Variants in ZNF740 observed in about 807,000 individuals in gnomAD.
ZNF740 encodes oriLyt TD-element-binding protein 7.
In ZNF740, 14 loss-of-function variants were observed where a neutral mutation model predicts 24.8. The ratio of observed to expected loss-of-function variants is 0.56; its 90% CI spans 0.37 to 0.88. ZNF740 has a LOEUF of 0.88. ZNF740 is among the 40% of genes least tolerant of loss of function. ZNF740 has a pLI of 0.00. For synonymous variants in ZNF740, 69 were observed against 84.0 expected (o/e 0.82, Z 0.98); for missense variants, 201 against 247.9 (o/e 0.81, Z 1.27).
At chr12:53,181,181 G>T (rs1175314235) in intron 1 of ZNF740, 42 of 985,366 alleles carry the variant, frequency 4.3e-5, no homozygotes, top group East Asian at 1.1e-4. Context: ...ACGCCGCGCC[G>T]GGCTTCGCCT....
rs1942005543 is a variant in ZNF740 at position 53,192,794 on chromosome 12, C to T, written c.*5204C>T. On this transcript the variant is annotated 3_prime_UTR_variant, in exon 7 of 7. Transcript: ENST00000416904. ...CGGTTGCATTTGCAGCGTCCATGCC[C>T]ACTGCAGAGCCCTCCCTCGGGACTG... 1.2e-6 allele frequency: 2 copies of T among 1,614,118 alleles called. No individual in the cohort carries two copies. The highest frequency in any genetic ancestry group is 2.2e-5 in the East Asian group (1 of 44,894).
intron 1 of ZNF740, chr12:53,181,090 G>C: frequency 8.9e-6 from 8 of 902,042 alleles, no homozygotes; most frequent in Non-Finnish European, 1.1e-5. Flanking sequence ...CGCATCTCGC[G>C]CGCTTCTCGG....
chr12:53,181,548 C>G (rs1424810224), intron 1 of ZNF740, 129 bp from the exon 2 acceptor site: 1 of 961,440 alleles, frequency 1.0e-6, no homozygotes, highest in Admixed American at 6.1e-5. Context: ...AGAAAGAAAA[C>G]TCTTCTTGAC....
intron 4 of ZNF740, among the ~76,000 whole-genome samples, chr12:53,185,693 C>T (rs1941809347): frequency 6.6e-6 from 1 of 152,192 alleles, no homozygotes; most frequent in Non-Finnish European, 1.5e-5. Flanking sequence ...CATGAGATCC[C>T]AGATCCCGAG....
rs1942069812 is a variant in ZNF740, at chr12:53,194,085, A to G, written c.*6495A>G. On this transcript the variant is annotated 3_prime_UTR_variant, in exon 7 of 7. Coordinates refer to ENST00000416904, the MANE Select transcript of ZNF740 (RefSeq NM_001004304.4). The stretch of plus-strand genomic sequence containing the variant: ...CTCCAGGAAGGATGGATGGAGGACT[A>G]CCTCAGGCTCTCATGTCACTCCCTG... 4.1e-6 allele frequency: 6 copies of G among 1,472,804 alleles called. No homozygotes were observed. The highest frequency in any genetic ancestry group is 2.3e-5 in the East Asian group (1 of 44,034). The allele number at this position is 1,472,804 out of a possible 1,614,324, so 91.2% of individuals were successfully genotyped here. A position where few individuals can be genotyped will look rare whatever the true frequency, so the allele number is the denominator to read the frequency against.
chr12:53,191,686 C>G lies in ZNF740; in HGVS notation c.*4096C>G. ...AAGCAAAAATCCCAGGATTCCTCGT[C>G]CCCTTTCTAGACCTAAGAGGCCAGC... On this transcript the variant is annotated 3_prime_UTR_variant, in exon 7 of 7. Coordinates refer to ENST00000416904, the MANE Select transcript of ZNF740 (RefSeq NM_001004304.4). 6.4e-7 allele frequency: 1 copy of G among 1,571,284 alleles called. No homozygotes were observed. Among genetic ancestry groups the G allele is most frequent in the Non-Finnish European group, 8.8e-7 (1 of 1,141,156 alleles).
At position 53,191,523 on chromosome 12, in the gene ZNF740, GA is replaced by G. The variant is rs554232281; in HGVS notation, c.*3934del. The G allele has an allele frequency of 1.2e-4, 180 of 1,534,882 alleles. 2 individuals are homozygous for G. In the South Asian group the frequency reaches 1.9e-3, roughly 16 times the overall value. ...CCTCCAGTTCCCACTGTCCTCCAAG[GA>G]GAAGAGCCTTGGGTAAGTGTCCCTC... On this transcript the variant is annotated 3_prime_UTR_variant, in exon 7 of 7. Coordinates refer to ENST00000416904, the MANE Select transcript of ZNF740 (RefSeq NM_001004304.4).
In ZNF740 at chr12:53,184,904, C is replaced by A. The variant is rs1941792954; in HGVS notation, c.23C>A (p.Ala8Asp). ...CTTTCAACTTAGGCAAGTCTCCTGG[C>A]TTGTGAAGGCCTAGCAGGTGTGAGT... MAQASLL[A>D]CEGLAGVSLV... The change falls in exon 3 of 7, where the codon GCT becomes GAT. Residue 8 changes from alanine (A) to aspartate (D), a missense_variant. Ala to Asp is a moderately radical substitution (Grantham distance 126). Around this residue, in one of 3 missense-constraint regions of ZNF740, gnomAD observed 117 missense variants for 122.3 expected, o/e 0.96. Transcript: ENST00000416904. The A allele has an allele frequency of 6.2e-7, 1 of 1,613,080 alleles. No individual in the cohort carries two copies. The highest frequency in any genetic ancestry group is 1.3e-5 in the African/African-American group (1 of 74,928).
intron 2 of ZNF740, among the ~76,000 whole-genome samples, chr12:53,184,283 G>T (rs182859107): frequency 2.6e-5 from 4 of 152,058 alleles, no homozygotes; most frequent in Non-Finnish European, 5.9e-5. Context: ...CCGCCTCCCG[G>T]GTTCAAGCAA....
chr12:53,181,958 T>A lies in ZNF740; in HGVS notation c.-26T>A. 1 of 1,604,628 alleles carries A rather than the reference T, an allele frequency of 6.2e-7. No homozygotes were observed. ...GTGGACCTAGGAACTCCTGAACTTT[T>A]GGGTTGCCTTAAGTGAGAAATCAGC... On this transcript the variant is annotated 5_prime_UTR_variant, in exon 2 of 7. Transcript: ENST00000416904.
intron 1 of ZNF740, 95 bp downstream of exon 1, chr12:53,180,932 GGGAGGGGA>G: frequency 1.9e-6 from 2 of 1,057,988 alleles, no homozygotes; most frequent in Non-Finnish European, 2.3e-6. Flanking sequence ...GAAGGGGGAG[GGGAGGGGA>G]GGAGGGGCGC....
At chr12:53,181,569 G>T (rs949816399) in intron 1 of ZNF740, 108 bp from the exon 2 acceptor site, 1 of 924,586 alleles carries the variant, frequency 1.1e-6, no homozygotes, top group Non-Finnish European at 1.3e-6. Flanking sequence ...TCATGTCCTC[G>T]TTCTGAGCTT....
In ZNF740 at chr12:53,193,824, G is replaced by A. The variant is rs762957507; in HGVS notation, c.*6234G>A. ...GCAACTCCACAATCAGCTCCTCTGA[G>A]AAGCCAAGGGCCCGGAGCCTCAGGA... On this transcript the variant is annotated 3_prime_UTR_variant, in exon 7 of 7. Transcript: ENST00000416904. 1.1e-5 allele frequency: 18 copies of A among 1,614,106 alleles called. No homozygotes were observed. The East Asian group carries it at 4.0e-4, about 36-fold the overall frequency.
At position 53,184,114 on chromosome 12, in the gene ZNF740, G is replaced by GGGGTGT. The variant is rs1555175868; in HGVS notation, c.10-776_10-775insGGTGTG. Among the ~76,000 whole-genome samples, 95 of 123,566 alleles carry GGGGTGT rather than the reference G, an allele frequency of 7.7e-4. 1 individual carries two copies. The highest frequency in any genetic ancestry group is 2.7e-3 in the African/African-American group (78 of 28,462). The allele number at this position is 123,566 out of a possible 152,430, so 81.1% of individuals were successfully genotyped here. ...TCAAAAGTGGGCTCTGAAGCTAAGG[G>GGGGTGT]GTGTGTGTGTGTGTGTGTGTGTGTG... On this transcript the variant is annotated intron_variant, in intron 2 of 6. Coordinates refer to ENST00000416904, the MANE Select transcript of ZNF740 (RefSeq NM_001004304.4).
Position 53,181,900 on chromosome 12 carries a change from C to G in ZNF740, c.-84C>G, listed in dbSNP as rs1279544137. ...AGGAGTCGCTACCGTGATTTGGTGA[C>G]AGTTCTTCAAAACGACAGTGTCTCA... is the stretch of plus-strand genomic sequence containing the variant. On this transcript the variant is annotated 5_prime_UTR_variant, in exon 2 of 7. Coordinates refer to ENST00000416904, the MANE Select transcript of ZNF740 (RefSeq NM_001004304.4). The G allele has an allele frequency of 3.6e-5, 56 of 1,544,588 alleles. 1 individual carries two copies. The highest frequency in any genetic ancestry group is 3.9e-5 in the Admixed American group (2 of 51,926).
chr12:53,194,675 G>T lies in ZNF740; in HGVS notation c.*7085G>T. On this transcript the variant is annotated 3_prime_UTR_variant, in exon 7 of 7. Transcript: ENST00000416904. ...GGACACATAACCTGGGTGCATGCCA[G>T]GTCTAAAGGGCAGATTCATTACAGA... 1 of 242,602 alleles carries T rather than the reference G, an allele frequency of 4.1e-6. No homozygotes were observed. The highest frequency in any genetic ancestry group is 8.2e-6 in the Non-Finnish European group (1 of 122,694). The allele number at this position is 242,602 out of a possible 1,614,324, so 15.0% of individuals were successfully genotyped here. A position where few individuals can be genotyped will look rare whatever the true frequency, so the allele number is the denominator to read the frequency against.
At chr12:53,186,299 C>A in intron 5 of ZNF740, 92 bp from the exon 6 acceptor site, 1 of 1,267,234 alleles carries the variant, frequency 7.9e-7, no homozygotes, top group South Asian at 1.4e-5. Context: ...GGTGTCTACA[C>A]ATTACTAAGA....
chr12:53,185,904 C>T, intron 4 of ZNF740, 50 bp from the exon 5 acceptor site: 1 of 1,602,574 alleles, frequency 6.2e-7, no homozygotes, highest in South Asian at 1.1e-5. Context: ...ACAGTGTCTC[C>T]AGGAAGAGGG....
rs1565699059 is a variant in ZNF740 at position 53,192,979 on chromosome 12, C to A, written c.*5389C>A. 2.0e-6 allele frequency: 3 copies of A among 1,480,628 alleles called. No homozygotes were observed. The highest frequency in any genetic ancestry group is 1.8e-5 in the Admixed American group (1 of 56,198). The allele number at this position is 1,480,628 out of a possible 1,614,324, so 91.7% of individuals were successfully genotyped here. A position where few individuals can be genotyped will look rare whatever the true frequency, so the allele number is the denominator to read the frequency against. Reference sequence around the variant, plus strand: ...CACAGTTGGCCATCATGTGGCACGACAAGCCCACGCATCCAATCTTTTTGA... The same window carrying A: ...CACAGTTGGCCATCATGTGGCACGAAAAGCCCACGCATCCAATCTTTTTGA... On this transcript the variant is annotated 3_prime_UTR_variant, in exon 7 of 7. Transcript: ENST00000416904.
Sources: gnomAD v4.1 joint callset for allele counts (sites outside exome capture counted in the v4.1 genomes callset) on GRCh38, gnomAD v4.1.1 for gene constraint, gnomAD v4.1.1 regional missense constraint, MANE v1.5 for transcripts, NCBI Gene and HGNC (gene_info 2026-07-23, HGNC 2026-07-21) for gene names.